The following UNC5D variants were observed in gnomAD, a reference collection of about 807,000 sequenced individuals.
UNC5D encodes the protein unc-5 netrin receptor D.
In UNC5D, 39 loss-of-function variants were observed where a neutral mutation model predicts 105.4. The observed-to-expected ratio is 0.37, with a 90% CI of 0.29 to 0.48. UNC5D has a LOEUF of 0.48. Ranked by LOEUF, UNC5D falls within the 20% of genes least tolerant of loss-of-function variation. The probability of loss-of-function intolerance (pLI) is 0.98; values close to 1 mark genes in which losing one functional copy is unlikely to be tolerated. For synonymous variants in UNC5D, 452 were observed against 450.4 expected, an observed-to-expected ratio of 1.00 and a Z score of -0.04; for missense variants, 991 against 1,202.4, an observed-to-expected ratio of 0.82 and a Z score of 2.60.
intron 5 of UNC5D, among the ~76,000 whole-genome samples, chr8:35,684,250 A>C (rs1825861924): frequency 6.6e-6 from 1 of 152,228 alleles, no homozygotes; most frequent in Admixed American, 6.5e-5. Flanking sequence ...TTTTTGAAGC[A>C]CTTAAAGTCA....
At chr8:35,505,586 G>T (rs1399956830) in intron 1 of UNC5D, among the ~76,000 whole-genome samples, 1 of 152,220 alleles carries the variant, frequency 6.6e-6, no homozygotes, top group African/African-American at 2.4e-5. Flanking sequence ...TAAACTCAAA[G>T]ATGTGGATAC....
At chr8:35,595,336 A>G (rs1819423359) in intron 3 of UNC5D, among the ~76,000 whole-genome samples, 1 of 152,172 alleles carries the variant, frequency 6.6e-6, no homozygotes, top group Non-Finnish European at 1.5e-5. Flanking sequence ...TCACATCAAT[A>G]TAGGACATCA....
intron 1 of UNC5D, among the ~76,000 whole-genome samples, chr8:35,250,786 C>T (rs759032660): frequency 4.7e-4 from 72 of 152,272 alleles, no homozygotes; most frequent in Non-Finnish European, 9.4e-4. Context: ...CATGAACCAC[C>T]GCTCCTGGCC....
chr8:35,790,260 T>C (rs942457323), intron 16 of UNC5D, 99 bp from the exon 17 acceptor site: 3 of 1,280,064 alleles, frequency 2.3e-6, no homozygotes, highest in Admixed American at 1.9e-5. Context: ...TATAATAACA[T>C]CTATTAAAAT....
intron 3 of UNC5D, among the ~76,000 whole-genome samples, chr8:35,570,785 C>G (rs927963802): frequency 6.6e-6 from 1 of 151,306 alleles, no homozygotes; most frequent in African/African-American, 2.4e-5. Context: ...GAAACCCCAT[C>G]TCTACTGAAA....
In UNC5D at chr8:35,683,641, G is replaced by T; in HGVS notation, c.665G>T (p.Arg222Leu). Reference sequence around the variant, plus strand: ...CATAACCTGATCATCAGGCAGGCACGGCTCTCGGACTCAGGAAATTACACC... The same window carrying T: ...CATAACCTGATCATCAGGCAGGCACTGCTCTCGGACTCAGGAAATTACACC... ...ADHNLIIRQA[R>L]LSDSGNYTCM... Residue 222 changes from arginine (R) to leucine (L), a missense_variant, in exon 5 of 17, where the codon CGG becomes CTG. Arg to Leu is a moderately radical substitution (Grantham distance 102, BLOSUM62 -2). Coordinates refer to ENST00000404895, the MANE Select transcript of UNC5D (RefSeq NM_080872.4). The T allele has an allele frequency of 6.3e-7, 1 of 1,581,698 alleles. No homozygotes were observed. The highest frequency in any genetic ancestry group is 8.6e-7 in the Non-Finnish European group (1 of 1,168,888).
chr8:35,385,588 C>T (rs1194761407), intron 1 of UNC5D, among the ~76,000 whole-genome samples: 2 of 151,764 alleles, frequency 1.3e-5, no homozygotes, highest in African/African-American at 4.8e-5. Flanking sequence ...GCCTCAGCCT[C>T]CGGAATAGCT....
At chr8:35,557,657 T>C (rs1816646381) in intron 2 of UNC5D, among the ~76,000 whole-genome samples, 1 of 152,160 alleles carries the variant, frequency 6.6e-6, no homozygotes, top group Non-Finnish European at 1.5e-5. Flanking sequence ...GTGAGATACA[T>C]GTGTCCTTAA....
chr8:35,790,539 C>T lies in UNC5D; in HGVS notation c.2838C>T (p.Asn946=). The T allele has an allele frequency of 6.2e-7, 1 of 1,613,766 alleles. No individual in the cohort carries two copies. Among genetic ancestry groups the T allele is most frequent in the South Asian group, 1.1e-5 (1 of 91,070 alleles). Residue 946 remains asparagine (N), a synonymous_variant, in exon 17 of 17, where the codon AAC becomes AAT. Coordinates refer to ENST00000404895, the MANE Select transcript of UNC5D (RefSeq NM_080872.4). ...CCCAGCTTGATGAAGCCGACTTCAA[C>T]TACAGCAGGCAAAATGGACTCTAGT... The part of the protein sequence containing the change: ...SESQLDEADF[N]YSRQNGL
chr8:35,609,283 G>A (rs191201939), intron 4 of UNC5D, among the ~76,000 whole-genome samples: 1 of 152,078 alleles, frequency 6.6e-6, no homozygotes, highest in East Asian at 1.9e-4. Flanking sequence ...TCTTAATGTG[G>A]GACAGTATCC....
intron 11 of UNC5D, among the ~76,000 whole-genome samples, chr8:35,747,604 G>T (rs1830068229): frequency 6.6e-6 from 1 of 152,070 alleles, no homozygotes; most frequent in Non-Finnish European, 1.5e-5. Flanking sequence ...ATAGCTTGTT[G>T]AAGAACACAT....
chr8:35,354,125 C>T (rs1801418767), intron 1 of UNC5D, among the ~76,000 whole-genome samples: 1 of 152,068 alleles, frequency 6.6e-6, no homozygotes, highest in Non-Finnish European at 1.5e-5. Context: ...GAAATTGTAT[C>T]AAACACAGGA....
intron 16 of UNC5D, among the ~76,000 whole-genome samples, chr8:35,788,286 A>G (rs1315530138): frequency 2.6e-5 from 4 of 152,112 alleles, no homozygotes; most frequent in Non-Finnish European, 5.9e-5. Flanking sequence ...ACTCTACATC[A>G]GTCGTCTTTG....
At chr8:35,568,502 A>G (rs1317307714) in intron 3 of UNC5D, among the ~76,000 whole-genome samples, 10 of 152,388 alleles carry the variant, frequency 6.6e-5, no homozygotes, top group Non-Finnish European at 1.5e-4. Context: ...GAGCCTGGCC[A>G]ACATGGCAAA....
chr8:35,719,050 G>A (rs1006572167), intron 8 of UNC5D, among the ~76,000 whole-genome samples: 4 of 151,960 alleles, frequency 2.6e-5, no homozygotes, highest in East Asian at 1.9e-4. Context: ...AATGAGGGGC[G>A]GAGGCTTCCA....
chr8:35,302,335 C>T (rs984018510), intron 1 of UNC5D, among the ~76,000 whole-genome samples: 6 of 152,116 alleles, frequency 3.9e-5, no homozygotes, highest in Non-Finnish European at 7.4e-5. Flanking sequence ...GGATGTCTCC[C>T]TTGTTATAAA....
intron 4 of UNC5D, among the ~76,000 whole-genome samples, chr8:35,667,774 A>ATT (rs1316702109): frequency 1.3e-5 from 2 of 152,192 alleles, no homozygotes; most frequent in Non-Finnish European, 2.9e-5. Context: ...TTCCAATTCT[A>ATT]TTACGATAGA....
intron 1 of UNC5D, among the ~76,000 whole-genome samples, chr8:35,316,606 A>C (rs1809323491): frequency 6.6e-6 from 1 of 152,160 alleles, no homozygotes; most frequent in Admixed American, 6.5e-5. Context: ...TCAGAAATGG[A>C]AGGGGGATTT....
At chr8:35,776,943 G>T (rs1300736908) in intron 16 of UNC5D, among the ~76,000 whole-genome samples, 2 of 152,146 alleles carry the variant, frequency 1.3e-5, no homozygotes, top group East Asian at 3.9e-4. Context: ...CACTTAGGGA[G>T]AACCCTGTAT....
Sources: gnomAD v4.1 joint callset for allele counts (sites outside exome capture counted in the v4.1 genomes callset) on GRCh38, gnomAD v4.1.1 for gene constraint, MANE v1.5 for transcripts, NCBI Gene and HGNC (gene_info 2026-07-23, HGNC 2026-07-21) for gene names.